The following PDZD8 variants were observed in gnomAD, a reference collection of about 807,000 sequenced individuals.
PDZD8 encodes PDZ domain containing 8.
In PDZD8, 14 loss-of-function variants were observed where a neutral mutation model predicts 85.8. That is an observed-to-expected ratio of 0.16 (90% CI 0.11 to 0.26). The LOEUF is 0.26. Ranked by LOEUF, PDZD8 falls within the 10% of genes least tolerant of loss-of-function variation. The probability of loss-of-function intolerance (pLI) is 1.00; values close to 1 mark genes in which losing one functional copy is unlikely to be tolerated. For synonymous variants in PDZD8, 592 were observed against 568.6 expected (o/e 1.04, Z -0.59); for missense variants, 1,197 against 1,424.3 (o/e 0.84, Z 2.57).
At chr10:117,318,761 T>C in intron 3 of PDZD8, 111 bp downstream of exon 3, 1 of 697,310 alleles carries the variant, frequency 1.4e-6, no homozygotes, top group Non-Finnish European at 2.4e-6. Flanking sequence ...GAACTGTTCA[T>C]AGCTATTTGC....
At chr10:117,319,648 GGAAT>G (rs1844195022) in intron 2 of PDZD8, among the ~76,000 whole-genome samples, 1 of 151,904 alleles carries the variant, frequency 6.6e-6, no homozygotes. Context: ...CAATTGTCAA[GGAAT>G]ACTGGCATCA....
In PDZD8 at chr10:117,284,999, C is replaced by T. The variant is rs1844636166; in HGVS notation, c.1734G>A (p.Val578=). The change falls in exon 5 of 5, where the codon GTG becomes GTA. Residue 578 remains valine (V), a synonymous_variant. Coordinates refer to ENST00000334464, the MANE Select transcript of PDZD8 (RefSeq NM_173791.5). ...AAGCAGATCCTTGGGTTGGTTTTGA[C>T]ACTTGTGCTGGGTCTGTTATCTCAG... is the stretch of plus-strand genomic sequence containing the variant. ...KTSEITDPAQ[V]SKPTQGSAFK... The T allele has an allele frequency of 2.5e-6, 4 of 1,613,988 alleles. No homozygotes were observed. In the South Asian group the frequency reaches 4.4e-5, roughly 18 times the overall value.
intron 3 of PDZD8, among the ~76,000 whole-genome samples, chr10:117,313,190 T>C (rs1844067738): frequency 6.6e-6 from 1 of 152,172 alleles, no homozygotes; most frequent in Non-Finnish European, 1.5e-5. Context: ...TCCAATATGG[T>C]ACCCACTAGT....
At chr10:117,351,272 T>C (rs925738351) in intron 1 of PDZD8, among the ~76,000 whole-genome samples, 2 of 152,206 alleles carry the variant, frequency 1.3e-5, no homozygotes, top group African/African-American at 4.8e-5. Context: ...ATGGACAGAC[T>C]GAAGTACATT....
At chr10:117,367,044 T>C (rs1286790693) in intron 1 of PDZD8, among the ~76,000 whole-genome samples, 1 of 152,256 alleles carries the variant, frequency 6.6e-6, no homozygotes, top group East Asian at 1.9e-4. Context: ...TTTATAATGA[T>C]CTGCTTTGGC....
chr10:117,374,981 C>T lies in PDZD8; in HGVS notation c.247G>A (p.Ala83Thr), dbSNP rs1564718390. Residue 83 changes from alanine (A) to threonine (T), a missense_variant, in exon 1 of 5, where the codon GCC (alanine) becomes ACC (threonine). Ala to Thr is a moderately conservative substitution (Grantham distance 58). Transcript: ENST00000334464. The surrounding 1 kb of genome is among the most constrained non-coding windows in gnomAD (Gnocchi z 7.8). ...APEGGATPTAAPETPAPPTRE... is the reference protein window; with the variant it reads ...APEGGATPTATPETPAPPTRE... Reference sequence around the variant, plus strand: ...GTCGGCGGGGCGGGGGTCTCGGGGGCCGCGGTGGGGGTCGCGCCGCCCTCA... The same window carrying T: ...GTCGGCGGGGCGGGGGTCTCGGGGGTCGCGGTGGGGGTCGCGCCGCCCTCA... The T allele has an allele frequency of 3.1e-6, 5 of 1,598,620 alleles. No homozygotes were observed. The South Asian group carries it at 5.6e-5, about 18-fold the overall frequency.
intron 1 of PDZD8, among the ~76,000 whole-genome samples, chr10:117,362,502 G>A (rs1845015821): frequency 6.6e-6 from 1 of 151,992 alleles, no homozygotes; most frequent in African/African-American, 2.4e-5. Flanking sequence ...AGGGCAAGAG[G>A]CCAAGTTACT....
chr10:117,293,231 G>A (rs1589546014), intron 3 of PDZD8, among the ~76,000 whole-genome samples: 1 of 151,876 alleles, frequency 6.6e-6, no homozygotes, highest in Non-Finnish European at 1.5e-5. Context: ...AACCAGAATA[G>A]TACAATGATA....
rs116296893 is a variant in PDZD8 at position 117,285,282 on chromosome 10, C to T, written c.1451G>A (p.Gly484Glu). The change falls in exon 5 of 5, where the codon GGG becomes GAG. Residue 484 changes from glycine to glutamate, a missense_variant. Physicochemically the swap from Gly to Glu is moderately conservative, Grantham distance 98 (BLOSUM62 -2). Around this residue, in one of 4 missense-constraint regions of PDZD8, gnomAD observed 263 missense variants for 261.9 expected, o/e 1.00. Coordinates refer to ENST00000334464, the MANE Select transcript of PDZD8 (RefSeq NM_173791.5). Reference protein sequence around the residue: ...CQSGYEEEAAGLTVDTESREL... With the variant: ...CQSGYEEEAAELTVDTESREL... ...TCTACTTTCAGTATCTACTGTCAAC[C>T]CGGCAGCTTCCTCTTCATAACCCGA... is the stretch of plus-strand genomic sequence containing the variant. The T allele has an allele frequency of 5.1e-5, 82 of 1,614,088 alleles. No homozygotes were observed. In the African/African-American group the frequency reaches 8.9e-4, roughly 18 times the overall value.
At chr10:117,349,285 T>C (rs1166600429) in intron 1 of PDZD8, among the ~76,000 whole-genome samples, 2 of 151,718 alleles carry the variant, frequency 1.3e-5, no homozygotes, top group African/African-American at 4.8e-5. Flanking sequence ...GCAGAAGGAA[T>C]GAGAAGGGAA....
intron 1 of PDZD8, 42 bp from the exon 2 acceptor site, chr10:117,341,144 C>A (rs756961786): frequency 6.3e-7 from 1 of 1,594,600 alleles, no homozygotes; most frequent in South Asian, 1.1e-5. Flanking sequence ...GAATAATAAA[C>A]ACCACAGTTT....
chr10:117,348,642 C>T (rs1275986652), intron 1 of PDZD8, among the ~76,000 whole-genome samples: 1 of 152,160 alleles, frequency 6.6e-6, no homozygotes, highest in Non-Finnish European at 1.5e-5. Flanking sequence ...GTTCTCTCTC[C>T]CTCTTCTTAT....
rs1458505916 is a variant in PDZD8 at position 117,279,997 on chromosome 10, TTTATC to T, written c.*3266_*3270del. On this transcript the variant is annotated 3_prime_UTR_variant, in exon 5 of 5. Coordinates refer to ENST00000334464, the MANE Select transcript of PDZD8 (RefSeq NM_173791.5). ...TTTTAGGGGACTTAACATTTTATTA[TTTATC>T]TTATTTTTAAGAGCCAAATATTTCC... The T allele has an allele frequency of 6.6e-6, 1 of 152,186 alleles. No homozygotes were observed. Among genetic ancestry groups the T allele is most frequent in the Non-Finnish European group, 1.5e-5 (1 of 68,032 alleles). The allele number at this position is 152,186 out of a possible 1,614,324, so 9.4% of individuals were successfully genotyped here.
At chr10:117,311,441 C>T (rs190424261) in intron 3 of PDZD8, among the ~76,000 whole-genome samples, 1 of 152,240 alleles carries the variant, frequency 6.6e-6, no homozygotes, top group Non-Finnish European at 1.5e-5. Flanking sequence ...AGACAGCCAG[C>T]CTTAGTCATA....
intron 3 of PDZD8, among the ~76,000 whole-genome samples, chr10:117,292,786 A>G (rs1844792822): frequency 6.6e-6 from 1 of 151,394 alleles, no homozygotes; most frequent in South Asian, 2.1e-4. Flanking sequence ...AAAAAAAAAG[A>G]TAAGGTTTTC....
At chr10:117,368,150 C>T (rs1239955768) in intron 1 of PDZD8, among the ~76,000 whole-genome samples, 2 of 152,102 alleles carry the variant, frequency 1.3e-5, no homozygotes, top group African/African-American at 2.4e-5. Context: ...CTATACCCAC[C>T]GCAACACTAG....
At chr10:117,313,523 C>T (rs563222299) in intron 3 of PDZD8, among the ~76,000 whole-genome samples, 26 of 152,120 alleles carry the variant, frequency 1.7e-4, no homozygotes, top group Non-Finnish European at 3.4e-4. Context: ...TCATTCAGGA[C>T]ACTATACCTG....
Position 117,374,315 on chromosome 10 carries a change from G to T in PDZD8, c.872+41C>A, listed in dbSNP as rs199626384. The T allele has an allele frequency of 3.7e-6, 6 of 1,600,368 alleles. No individual in the cohort carries two copies. The African/African-American group carries it at 4.0e-5, about 11-fold the overall frequency. The stretch of plus-strand genomic sequence containing the variant: ...CCACGCAGCGTCCCGCCCAGGCCCG[G>T]GTTCCCGGCAGCCAGGCCCCCTCCC... On this transcript the variant is annotated intron_variant, in intron 1 of 4. Coordinates refer to ENST00000334464, the MANE Select transcript of PDZD8 (RefSeq NM_173791.5). This position sits in a 1 kb window ranked among gnomAD's most constrained non-coding sequence, Gnocchi z 7.8.
At chr10:117,327,213 C>T (rs1844333062) in intron 2 of PDZD8, among the ~76,000 whole-genome samples, 1 of 152,138 alleles carries the variant, frequency 6.6e-6, no homozygotes, top group African/African-American at 2.4e-5. Flanking sequence ...GAAAGTAGCA[C>T]TAATGCCCTA....
Sources: gnomAD v4.1 joint callset for allele counts (sites outside exome capture counted in the v4.1 genomes callset) on GRCh38, gnomAD v4.1.1 for gene constraint, gnomAD v4.1.1 regional missense constraint, Gnocchi (gnomAD v3.1) non-coding constraint, MANE v1.5 for transcripts, NCBI Gene and HGNC (gene_info 2026-07-23, HGNC 2026-07-21) for gene names.